The following RBFOX1 variants were observed in gnomAD, a reference collection of about 807,000 sequenced individuals.
The protein encoded by RBFOX1 is RNA binding protein fox-1 homolog 1.
RBFOX1 carries 8 observed loss-of-function variants against 57.7 expected under a neutral mutation model. The ratio of observed to expected loss-of-function variants is 0.14; its 90% CI spans 0.08 to 0.25. The LOEUF (loss-of-function observed/expected upper bound fraction) is 0.25, where lower values mean the gene tolerates loss of function less well. Among genes scored for constraint, RBFOX1 ranks in the 10% least tolerant of loss-of-function variants. The probability of loss-of-function intolerance (pLI) is 1.00; values close to 1 mark genes in which losing one functional copy is unlikely to be tolerated. For synonymous variants in RBFOX1, 326 were observed against 222.4 expected (o/e 1.47, Z -4.15); for missense variants, 611 against 548.5 (o/e 1.11, Z -1.14).
At chr16:5,424,974 C>CTTTCT (rs372212119) in intron 1 of RBFOX1, among the ~76,000 whole-genome samples, 5,258 of 70,578 alleles carry the variant, frequency 0.074, 397 homozygotes, top group Non-Finnish European at 0.086. Context: ...CTCTTTCTTT[C>CTTTCT]TTTCTTTTCT....
exon 3 of RBFOX1, chr16:5,599,444 C>T: frequency 1.8e-6 from 1 of 551,220 alleles, no homozygotes; most frequent in Non-Finnish European, 3.2e-6. Context: ...GCAGTGAATT[C>T]CCGTGTATCC....
chr16:7,157,616 A>G (rs2077418732), intron 4 of RBFOX1, among the ~76,000 whole-genome samples: 1 of 152,102 alleles, frequency 6.6e-6, no homozygotes, highest in African/African-American at 2.4e-5. Flanking sequence ...AATTTCAAAT[A>G]TCATTGGTTA....
At chr16:5,447,990 C>CG (rs2068302653) in intron 1 of RBFOX1, among the ~76,000 whole-genome samples, 1 of 152,154 alleles carries the variant, frequency 6.6e-6, no homozygotes, top group African/African-American at 2.4e-5. Flanking sequence ...TCTGGGTCAG[C>CG]TCTCACTTCC....
intron 4 of RBFOX1, among the ~76,000 whole-genome samples, chr16:7,421,505 C>T (rs983793356): frequency 6.6e-5 from 10 of 152,210 alleles, no homozygotes; most frequent in Non-Finnish European, 1.5e-4. Flanking sequence ...ATTTCCCAGG[C>T]ACAGCCAGGT....
intron 3 of RBFOX1, among the ~76,000 whole-genome samples, chr16:5,751,449 A>G (rs2053199575): frequency 6.6e-6 from 1 of 152,248 alleles, no homozygotes; most frequent in South Asian, 2.1e-4. Flanking sequence ...AGAAGTTAAT[A>G]CATCCACTGT....
intron 3 of RBFOX1, among the ~76,000 whole-genome samples, chr16:5,657,286 A>G (rs992828598): frequency 3.3e-5 from 5 of 152,212 alleles, no homozygotes; most frequent in Admixed American, 3.3e-4. Flanking sequence ...TAACAGCCCT[A>G]ATAATAGTTA....
At chr16:6,365,267 G>C (rs1258507576) in intron 2 of RBFOX1, among the ~76,000 whole-genome samples, 1 of 151,972 alleles carries the variant, frequency 6.6e-6, no homozygotes, top group African/African-American at 2.4e-5. Flanking sequence ...TGGGGGGATA[G>C]GTGGATGGAT....
At chr16:6,372,625 G>C (rs971236781) in intron 2 of RBFOX1, among the ~76,000 whole-genome samples, 2 of 151,062 alleles carry the variant, frequency 1.3e-5, no homozygotes, top group African/African-American at 2.4e-5. Flanking sequence ...CTGGGCAGGA[G>C]TTTTGTTGGG....
chr16:6,251,182 C>T (rs2097607895), intron 1 of RBFOX1, among the ~76,000 whole-genome samples: 1 of 152,184 alleles, frequency 6.6e-6, no homozygotes, highest in Non-Finnish European at 1.5e-5. Context: ...ACTTATTTGG[C>T]ATTTACTATG....
intron 1 of RBFOX1, among the ~76,000 whole-genome samples, chr16:6,026,697 G>A (rs1037076660): frequency 2.6e-5 from 4 of 152,228 alleles, no homozygotes; most frequent in East Asian, 1.9e-4. Context: ...TAAGAGCCTC[G>A]CTAGATTTCT....
chr16:6,020,944 C>T (rs1178961290), intron 1 of RBFOX1, among the ~76,000 whole-genome samples: 2 of 152,180 alleles, frequency 1.3e-5, no homozygotes, highest in Admixed American at 6.5e-5. Flanking sequence ...TTCCTTGCTG[C>T]CAGGGAATGG....
chr16:6,057,907 A>G (rs1408202258), intron 1 of RBFOX1, among the ~76,000 whole-genome samples: 1 of 135,750 alleles, frequency 7.4e-6, no homozygotes, highest in African/African-American at 2.9e-5. Context: ...GTTGAATTCC[A>G]GATTCAGGAC....
intron 3 of RBFOX1, among the ~76,000 whole-genome samples, chr16:6,739,110 G>T (rs1235420037): frequency 6.6e-6 from 1 of 151,684 alleles, no homozygotes; most frequent in Non-Finnish European, 1.5e-5. Context: ...TAAACCTAAA[G>T]CAAGCAGCAG....
chr16:5,808,087 G>A (rs1355327878), intron 3 of RBFOX1, among the ~76,000 whole-genome samples: 2 of 152,190 alleles, frequency 1.3e-5, no homozygotes, highest in Non-Finnish European at 2.9e-5. Flanking sequence ...TTCAAACGCT[G>A]AAGTCCTAGC....
At chr16:6,580,358 C>G (rs752545958) in intron 2 of RBFOX1, among the ~76,000 whole-genome samples, 1 of 152,164 alleles carries the variant, frequency 6.6e-6, no homozygotes, top group Non-Finnish European at 1.5e-5. Context: ...AAGCTGGAGT[C>G]ATAACACACA....
intron 3 of RBFOX1, among the ~76,000 whole-genome samples, chr16:5,606,225 T>C (rs949569949): frequency 1.3e-5 from 2 of 152,108 alleles, no homozygotes; most frequent in Non-Finnish European, 2.9e-5. Flanking sequence ...TCTCCAACCT[T>C]ATCTGCTACT....
At chr16:6,255,584 C>T (rs2097656043) in intron 1 of RBFOX1, among the ~76,000 whole-genome samples, 1 of 151,982 alleles carries the variant, frequency 6.6e-6, no homozygotes, top group Non-Finnish European at 1.5e-5. Flanking sequence ...GTTCAGTGTC[C>T]TATAAGGTTA....
At chr16:6,980,957 C>G (rs151167640) in intron 3 of RBFOX1, among the ~76,000 whole-genome samples, 50 of 146,390 alleles carry the variant, frequency 3.4e-4, no homozygotes, top group African/African-American at 1.2e-3. Context: ...GCATGAGAAT[C>G]CCTTGAACCT....
chr16:7,069,003 T>C (rs1482768125), intron 4 of RBFOX1, among the ~76,000 whole-genome samples: 1 of 152,210 alleles, frequency 6.6e-6, no homozygotes, highest in Non-Finnish European at 1.5e-5. Flanking sequence ...TTTGTATGTG[T>C]CACTTAAGTG....
Sources: gnomAD v4.1 joint callset for allele counts (sites outside exome capture counted in the v4.1 genomes callset) on GRCh38, gnomAD v4.1.1 for gene constraint, MANE v1.5 for transcripts, NCBI Gene and HGNC (gene_info 2026-07-23, HGNC 2026-07-21) for gene names.